The following RIMS1 variants were observed in gnomAD, a reference collection of about 807,000 sequenced individuals.
RIMS1 encodes regulating synaptic membrane exocytosis protein 1.
A neutral mutation model predicts 214.1 loss-of-function variants in RIMS1; 83 were observed. That is an observed-to-expected ratio of 0.39 (90% CI 0.32 to 0.47). The LOEUF (loss-of-function observed/expected upper bound fraction) is 0.47. Ranked by LOEUF, RIMS1 falls within the 20% of genes least tolerant of loss-of-function variation. RIMS1 has a pLI of 0.99. For synonymous variants in RIMS1, 793 were observed against 786.8 expected (o/e 1.01, Z -0.13); for missense variants, 2,050 against 2,161.8 (o/e 0.95, Z 1.03).
At chr6:71,972,840 G>C (rs574280681) in intron 2 of RIMS1, among the ~76,000 whole-genome samples, 1 of 152,292 alleles carries the variant, frequency 6.6e-6, no homozygotes, top group South Asian at 2.1e-4. Flanking sequence ...CGTTTAAAAA[G>C]AGAAAATGAT....
intron 2 of RIMS1, among the ~76,000 whole-genome samples, chr6:72,091,644 T>C (rs760109161): frequency 6.6e-6 from 1 of 152,288 alleles, no homozygotes; most frequent in Non-Finnish European, 1.5e-5. Flanking sequence ...TTAGAGTTTC[T>C]TGAATTGAAT....
intron 29 of RIMS1, among the ~76,000 whole-genome samples, chr6:72,367,196 A>T (rs1256866709): frequency 6.6e-6 from 1 of 152,206 alleles, no homozygotes; most frequent in Non-Finnish European, 1.5e-5. Flanking sequence ...AGCAGTCCTT[A>T]AACTCATTAC....
At chr6:72,352,177 G>A (rs1302123797) in intron 29 of RIMS1, among the ~76,000 whole-genome samples, 1 of 152,124 alleles carries the variant, frequency 6.6e-6, no homozygotes, top group Non-Finnish European at 1.5e-5. Context: ...TGTTCAGAAT[G>A]TTTCTGTATA....
chr6:72,033,591 C>T (rs1818760897), intron 2 of RIMS1, among the ~76,000 whole-genome samples: 1 of 152,092 alleles, frequency 6.6e-6, no homozygotes, highest in South Asian at 2.1e-4. Context: ...AAGTGATTCT[C>T]CTGCCTCAGC....
intron 2 of RIMS1, among the ~76,000 whole-genome samples, chr6:72,096,725 A>G (rs1265601030): frequency 1.3e-5 from 2 of 152,226 alleles, no homozygotes; most frequent in Admixed American, 6.5e-5. Flanking sequence ...TAGCTTCTAC[A>G]TACACATAGT....
intron 2 of RIMS1, among the ~76,000 whole-genome samples, chr6:72,041,618 C>A (rs902152071): frequency 6.6e-6 from 1 of 151,810 alleles, no homozygotes; most frequent in Non-Finnish European, 1.5e-5. Context: ...AAGACGTGGC[C>A]TCACTCCCTC....
intron 2 of RIMS1, among the ~76,000 whole-genome samples, chr6:72,078,591 T>C (rs1489601071): frequency 6.6e-6 from 1 of 152,170 alleles, no homozygotes; most frequent in East Asian, 1.9e-4. Context: ...GACAGGTTGC[T>C]ATACCAAACC....
chr6:71,945,789 G>A (rs373523229), intron 1 of RIMS1, among the ~76,000 whole-genome samples: 5 of 146,512 alleles, frequency 3.4e-5, no homozygotes, highest in Middle Eastern at 3.5e-3. Context: ...CACTCTTGTC[G>A]CCCAGGCTGG....
At chr6:72,299,281 A>G (rs1192701763) in intron 26 of RIMS1, among the ~76,000 whole-genome samples, 2 of 151,984 alleles carry the variant, frequency 1.3e-5, no homozygotes, top group Non-Finnish European at 2.9e-5. Flanking sequence ...ATTTTGAATC[A>G]TAACAAAACA....
intron 4 of RIMS1, among the ~76,000 whole-genome samples, chr6:72,133,507 A>G (rs888935900): frequency 1.3e-5 from 2 of 152,196 alleles, no homozygotes; most frequent in African/African-American, 4.8e-5. Flanking sequence ...GCTTGCACAT[A>G]TCAGTTGGAC....
In RIMS1 at chr6:71,973,762, G is replaced by A. The variant is rs62409465; in HGVS notation, c.245+4699G>A. On this transcript the variant is annotated intron_variant, in intron 2 of 33. Transcript: ENST00000521978. ...GTCACTGATAGATCCTAGCGAGAAG[G>A]GGCCGGCATACCTCCAAGGGCCAAT... Among the ~76,000 whole-genome samples, 810 of 152,198 alleles carry A rather than the reference G, an allele frequency of 5.3e-3. 3 individuals carry two copies. Among genetic ancestry groups the A allele is most frequent in the Middle Eastern group, 0.044 (13 of 294 alleles).
chr6:72,187,510 G>A (rs536731252), intron 6 of RIMS1, among the ~76,000 whole-genome samples: 243 of 120,274 alleles, frequency 2.0e-3, no homozygotes, highest in Admixed American at 4.5e-3. Context: ...ACAGAGTCTC[G>A]GTCTGTCACC....
intron 29 of RIMS1, among the ~76,000 whole-genome samples, chr6:72,361,969 CTGTAT>C (rs71540338): frequency 0.18 from 26,310 of 146,704 alleles, 2,431 homozygotes; most frequent in South Asian, 0.24. Context: ...AGGACCATTA[CTGTAT>C]TGTATTGTAT....
chr6:72,056,501 A>C (rs1826218635), intron 2 of RIMS1, among the ~76,000 whole-genome samples: 1 of 152,218 alleles, frequency 6.6e-6, no homozygotes, highest in Non-Finnish European at 1.5e-5. Context: ...ATTATGCATA[A>C]CTGAAGTTGT....
At chr6:72,070,637 GTT>G (rs1247399796) in intron 2 of RIMS1, among the ~76,000 whole-genome samples, 2 of 152,310 alleles carry the variant, frequency 1.3e-5, no homozygotes, top group African/African-American at 2.4e-5. Flanking sequence ...TCCAGGGAGT[GTT>G]TTCAAAATAC....
At chr6:71,996,506 A>C (rs1803477184) in intron 2 of RIMS1, among the ~76,000 whole-genome samples, 1 of 152,228 alleles carries the variant, frequency 6.6e-6, no homozygotes, top group Non-Finnish European at 1.5e-5. Flanking sequence ...TCAGGGGTAT[A>C]TCAAGACCTA....
intron 6 of RIMS1, among the ~76,000 whole-genome samples, chr6:72,211,150 C>G (rs1450739312): frequency 6.6e-6 from 1 of 152,158 alleles, no homozygotes; most frequent in African/African-American, 2.4e-5. Flanking sequence ...CTAAAAGGAT[C>G]TGGAGTTTCC....
At chr6:72,179,161 A>C (rs2048116857) in intron 4 of RIMS1, among the ~76,000 whole-genome samples, 1 of 152,138 alleles carries the variant, frequency 6.6e-6, no homozygotes. Flanking sequence ...ACTGAGGTTT[A>C]TGTATTTACG....
intron 29 of RIMS1, among the ~76,000 whole-genome samples, chr6:72,334,471 A>G (rs1241737860): frequency 3.9e-5 from 6 of 151,918 alleles, no homozygotes; most frequent in African/African-American, 1.4e-4. Flanking sequence ...AGCAAATACA[A>G]AAGGGAGAGT....
Sources: allele counts gnomAD v4.1 joint callset (sites outside exome capture counted in the v4.1 genomes callset), GRCh38; gene constraint gnomAD v4.1.1; transcripts MANE v1.5; gene names NCBI Gene and HGNC (gene_info 2026-07-23, HGNC 2026-07-21).